Variants in PPP2R2A observed in about 807,000 individuals in gnomAD.
PPP2R2A encodes serine/threonine-protein phosphatase 2A 55 kDa regulatory subunit B alpha isoform.
PPP2R2A carries 9 observed loss-of-function variants against 53.2 expected under a neutral mutation model. The observed-to-expected ratio is 0.17, with a 90% CI of 0.10 to 0.30. The LOEUF (loss-of-function observed/expected upper bound fraction) is 0.30. Ranked by LOEUF, PPP2R2A falls within the 10% of genes least tolerant of loss-of-function variation. The pLI is 1.00. For synonymous variants in PPP2R2A, 169 were observed against 174.2 expected, an observed-to-expected ratio of 0.97 and a Z score of 0.23; for missense variants, 235 against 534.6, an observed-to-expected ratio of 0.44 and a Z score of 5.53.
chr8:26,313,043 CTT>C (rs200047800), intron 2 of PPP2R2A, among the ~76,000 whole-genome samples: 5 of 142,086 alleles, frequency 3.5e-5, no homozygotes, highest in Non-Finnish European at 3.1e-5. Flanking sequence ...TCTTTTTTTT[CTT>C]TTTTTTTTTT....
chr8:26,308,593 A>G (rs1227146970), intron 2 of PPP2R2A, among the ~76,000 whole-genome samples: 1 of 152,196 alleles, frequency 6.6e-6, no homozygotes, highest in Non-Finnish European at 1.5e-5. Context: ...TTTAGGCTCC[A>G]CTTCTAATTC....
chr8:26,299,163 A>G (rs1027044340), intron 2 of PPP2R2A, among the ~76,000 whole-genome samples: 1 of 152,140 alleles, frequency 6.6e-6, no homozygotes, highest in African/African-American at 2.4e-5. Flanking sequence ...AGTCCCAGCT[A>G]CTAAGGAGGC....
intron 2 of PPP2R2A, among the ~76,000 whole-genome samples, chr8:26,327,502 G>A (rs961099866): frequency 1.3e-5 from 2 of 152,146 alleles, no homozygotes; most frequent in African/African-American, 2.4e-5. Context: ...GCTTTTCAGG[G>A]CGTTACAATA....
intron 4 of PPP2R2A, among the ~76,000 whole-genome samples, chr8:26,355,453 AGG>A: frequency 6.6e-6 from 1 of 152,264 alleles, no homozygotes; most frequent in East Asian, 1.9e-4. Context: ...TATGTTGCTC[AGG>A]CTGGTCTTGA....
chr8:26,315,647 G>C (rs991154497), intron 2 of PPP2R2A, among the ~76,000 whole-genome samples: 1 of 152,078 alleles, frequency 6.6e-6, no homozygotes, highest in Non-Finnish European at 1.5e-5. Context: ...GCCCTGCAAG[G>C]TACCTGGTGC....
intron 2 of PPP2R2A, among the ~76,000 whole-genome samples, chr8:26,313,561 C>T (rs1243915210): frequency 6.6e-6 from 1 of 152,192 alleles, no homozygotes; most frequent in Non-Finnish European, 1.5e-5. Context: ...GAACCTGTGA[C>T]TGTTACCTTA....
rs73675957 is a variant in PPP2R2A, at chr8:26,345,779, A to G, written c.180+6792A>G. Among the ~76,000 whole-genome samples the G allele has an allele frequency of 9.4e-3, 1,435 of 152,076 alleles. 28 individuals carry two copies. Among genetic ancestry groups the G allele is most frequent in the African/African-American group, 0.032 (1,341 of 41,476 alleles). ...GATTGAAAATACATTATTTCATTGG[A>G]TTTTGGTTTTACTTTACGCCTTAAT... On this transcript the variant is annotated intron_variant, in intron 3 of 9. Transcript: ENST00000380737.
At chr8:26,350,118 T>C (rs1804417817) in intron 3 of PPP2R2A, among the ~76,000 whole-genome samples, 1 of 152,156 alleles carries the variant, frequency 6.6e-6, no homozygotes, top group Non-Finnish European at 1.5e-5. Context: ...CAGGCTGGAA[T>C]GCAGTTGGTG....
At chr8:26,319,063 C>T (rs545718970) in intron 2 of PPP2R2A, among the ~76,000 whole-genome samples, 1 of 152,260 alleles carries the variant, frequency 6.6e-6, no homozygotes, top group African/African-American at 2.4e-5. Flanking sequence ...TACTTTGTGT[C>T]TCTATGAATT....
chr8:26,327,691 C>A (rs1803164198), intron 2 of PPP2R2A, among the ~76,000 whole-genome samples: 1 of 152,126 alleles, frequency 6.6e-6, no homozygotes, highest in Admixed American at 6.5e-5. Context: ...AAGAAACTAT[C>A]ATTTTATAGA....
intron 2 of PPP2R2A, among the ~76,000 whole-genome samples, chr8:26,310,784 A>G (rs1428986128): frequency 6.6e-6 from 1 of 152,006 alleles, no homozygotes; most frequent in South Asian, 2.1e-4. Flanking sequence ...ACCTCTTGAC[A>G]ATACCTGGCA....
intron 2 of PPP2R2A, among the ~76,000 whole-genome samples, chr8:26,335,232 A>T (rs1803593385): frequency 6.6e-6 from 1 of 152,062 alleles, no homozygotes; most frequent in African/African-American, 2.4e-5. Context: ...TTCTTATTTC[A>T]TCATTTTTAT....
chr8:26,332,994 A>G (rs1027695533), intron 2 of PPP2R2A, among the ~76,000 whole-genome samples: 1 of 152,228 alleles, frequency 6.6e-6, no homozygotes, highest in South Asian at 2.1e-4. Context: ...TTGTTTTTCT[A>G]TACATTGAAA....
At chr8:26,344,453 C>G (rs886772430) in intron 3 of PPP2R2A, among the ~76,000 whole-genome samples, 3 of 152,172 alleles carry the variant, frequency 2.0e-5, no homozygotes, top group African/African-American at 7.2e-5. Context: ...ACAGGAAAAT[C>G]AGTCTCATTA....
At chr8:26,336,339 A>G (rs903710819) in intron 2 of PPP2R2A, among the ~76,000 whole-genome samples, 2 of 152,190 alleles carry the variant, frequency 1.3e-5, no homozygotes, top group South Asian at 4.2e-4. Flanking sequence ...TGATATGGGA[A>G]GATTGCTTGA....
At chr8:26,351,286 C>G (rs77189626) in intron 3 of PPP2R2A, among the ~76,000 whole-genome samples, 1 of 151,904 alleles carries the variant, frequency 6.6e-6, no homozygotes, top group Non-Finnish European at 1.5e-5. Flanking sequence ...TGAGTCTGTT[C>G]TCTCTCCCCT....
chr8:26,323,965 T>G (rs1450115691), intron 2 of PPP2R2A, among the ~76,000 whole-genome samples: 2 of 152,230 alleles, frequency 1.3e-5, no homozygotes, highest in Non-Finnish European at 1.5e-5. Context: ...ACAACAGATT[T>G]AGAACCTCTC....
chr8:26,296,903 A>T (rs564173114), intron 2 of PPP2R2A, among the ~76,000 whole-genome samples: 44 of 152,308 alleles, frequency 2.9e-4, no homozygotes, highest in African/African-American at 1.0e-3. Flanking sequence ...GATTGATGTT[A>T]TACAACCGTA....
chr8:26,294,381 C>T (rs1801448838), intron 2 of PPP2R2A, among the ~76,000 whole-genome samples: 2 of 152,156 alleles, frequency 1.3e-5, no homozygotes, highest in Non-Finnish European at 2.9e-5. Flanking sequence ...AGTTGAAGTA[C>T]TTACGTCTAA....
Sources: gnomAD v4.1 joint callset for allele counts (sites outside exome capture counted in the v4.1 genomes callset) on GRCh38, gnomAD v4.1.1 for gene constraint, MANE v1.5 for transcripts, NCBI Gene and HGNC (gene_info 2026-07-23, HGNC 2026-07-21) for gene names.